PDE10A: variants seen among roughly 807,000 people sequenced by gnomAD.
PDE10A encodes phosphodiesterase 10A.
PDE10A carries 39 observed loss-of-function variants against 97.7 expected under a neutral mutation model. The ratio of observed to expected loss-of-function variants is 0.40; its 90% CI spans 0.31 to 0.52. The LOEUF (loss-of-function observed/expected upper bound fraction) is 0.52, where lower values mean the gene tolerates loss of function less well. Ranked by LOEUF, PDE10A falls within the 20% of genes least tolerant of loss-of-function variation. The probability of loss-of-function intolerance (pLI) is 0.56; values close to 1 mark genes in which losing one functional copy is unlikely to be tolerated. For synonymous variants in PDE10A, 371 were observed against 376.8 expected (o/e 0.98, Z 0.18); for missense variants, 731 against 1,047.8 (o/e 0.70, Z 4.17).
chr6:165,445,629 T>C (rs1790794616), intron 5 of PDE10A, among the ~76,000 whole-genome samples: 1 of 152,212 alleles, frequency 6.6e-6, no homozygotes, highest in African/African-American at 2.4e-5. Context: ...TTGAAATTAG[T>C]ACTGGAGGGA....
chr6:165,944,573 G>T (rs191110126), intron 1 of PDE10A, among the ~76,000 whole-genome samples: 71 of 152,216 alleles, frequency 4.7e-4, no homozygotes, highest in African/African-American at 1.7e-3. Context: ...TTTTTATTGG[G>T]TTCCTCATCT....
chr6:165,795,559 C>G (rs1355307398), intron 1 of PDE10A, among the ~76,000 whole-genome samples: 1 of 151,514 alleles, frequency 6.6e-6, no homozygotes, highest in South Asian at 2.1e-4. Context: ...AACCCCGTCT[C>G]TACTAAAAAT....
At chr6:165,835,270 G>T (rs1307522089) in intron 1 of PDE10A, among the ~76,000 whole-genome samples, 1 of 152,190 alleles carries the variant, frequency 6.6e-6, no homozygotes, top group African/African-American at 2.4e-5. Flanking sequence ...ATTTTTCTTT[G>T]CTCCTGCCTC....
chr6:165,711,023 C>A lies in PDE10A; in HGVS notation c.-614-167455G>T, dbSNP rs1009847012. On this transcript the variant is annotated intron_variant, in intron 1 of 19. Transcript: ENST00000366882. This position sits in a 1 kb window ranked among gnomAD's most constrained non-coding sequence, Gnocchi z 4.5. ...CAGAGCGGGTTTCCTTTTTACCTGG[C>A]GCACTGCAGGGGTCCAGGGTGCCTT... is the stretch of plus-strand genomic sequence containing the variant. Among the ~76,000 whole-genome samples, 1 of 152,192 alleles carries A rather than the reference C, an allele frequency of 6.6e-6. No individual in the cohort carries two copies. The highest frequency in any genetic ancestry group is 1.9e-4 in the East Asian group (1 of 5,188).
intron 1 of PDE10A, among the ~76,000 whole-genome samples, chr6:165,605,718 G>A (rs1787175928): frequency 6.6e-6 from 1 of 151,870 alleles, no homozygotes; most frequent in South Asian, 2.1e-4. Context: ...ATGCTTCGGC[G>A]CATGCAATGC....
At chr6:165,979,216 T>C (rs1197870548) in intron 1 of PDE10A, among the ~76,000 whole-genome samples, 1 of 152,184 alleles carries the variant, frequency 6.6e-6, no homozygotes, top group Non-Finnish European at 1.5e-5. Context: ...GTAAGGGTTC[T>C]TGTTCATTGG....
chr6:165,944,224 A>T (rs1196427422), intron 1 of PDE10A, among the ~76,000 whole-genome samples: 1 of 152,178 alleles, frequency 6.6e-6, no homozygotes. Flanking sequence ...TAATTCAATT[A>T]CCTCTCACTG....
intron 2 of PDE10A, among the ~76,000 whole-genome samples, chr6:165,514,634 C>T (rs944547595): frequency 4.6e-5 from 7 of 152,170 alleles, no homozygotes; most frequent in East Asian, 1.9e-4. Flanking sequence ...GCCGGCCCTC[C>T]GCTAGGTGCT....
chr6:165,337,064 G>A (rs545669431), intron 20 of PDE10A, among the ~76,000 whole-genome samples: 1 of 151,990 alleles, frequency 6.6e-6, no homozygotes, highest in Non-Finnish European at 1.5e-5. Context: ...TAAAATAAAT[G>A]TCATTGGTTT....
At chr6:165,679,687 C>T (rs945584458) in intron 1 of PDE10A, among the ~76,000 whole-genome samples, 3 of 152,194 alleles carry the variant, frequency 2.0e-5, no homozygotes, top group Non-Finnish European at 4.4e-5. Flanking sequence ...TAAGTGTTTG[C>T]GACCTACAGA....
intron 1 of PDE10A, among the ~76,000 whole-genome samples, chr6:165,946,291 T>C (rs1282078892): frequency 2.0e-5 from 3 of 152,010 alleles, no homozygotes; most frequent in African/African-American, 7.2e-5. Context: ...GGTCAGGAGA[T>C]TGAGACCATC....
chr6:165,556,902 G>C (rs1784283203), intron 1 of PDE10A, among the ~76,000 whole-genome samples: 1 of 152,178 alleles, frequency 6.6e-6, no homozygotes, highest in African/African-American at 2.4e-5. Flanking sequence ...CACTTTGGGA[G>C]GCTGAGGCAG....
At chr6:165,517,037 C>T (rs1428433621) in intron 2 of PDE10A, among the ~76,000 whole-genome samples, 2 of 152,136 alleles carry the variant, frequency 1.3e-5, no homozygotes, top group African/African-American at 4.8e-5. Flanking sequence ...TCATTAAACA[C>T]ATTACAGTGC....
chr6:165,627,466 C>T (rs1234651608), intron 1 of PDE10A, among the ~76,000 whole-genome samples: 1 of 152,136 alleles, frequency 6.6e-6, no homozygotes, highest in East Asian at 1.9e-4. Context: ...GCCTAAATAT[C>T]CAAAAGCTGC....
At chr6:165,393,584 G>T (rs898972091) in intron 15 of PDE10A, among the ~76,000 whole-genome samples, 2 of 151,882 alleles carry the variant, frequency 1.3e-5, no homozygotes, top group Non-Finnish European at 2.9e-5. Flanking sequence ...AAATGTCTTT[G>T]AAGTATAAGG....
At chr6:165,950,263 C>T (rs1783911815) in intron 1 of PDE10A, among the ~76,000 whole-genome samples, 1 of 152,176 alleles carries the variant, frequency 6.6e-6, no homozygotes, top group African/African-American at 2.4e-5. Flanking sequence ...CACAAAAGTA[C>T]AGTCTTTGTT....
intron 1 of PDE10A, among the ~76,000 whole-genome samples, chr6:165,803,679 T>TA (rs959103693): frequency 1.3e-5 from 2 of 152,214 alleles, no homozygotes; most frequent in African/African-American, 4.8e-5. Context: ...AGTGAATTGC[T>TA]AAAAATAAAT....
intron 18 of PDE10A, among the ~76,000 whole-genome samples, chr6:165,352,177 ATTAACT>A (rs1430331426): frequency 3.3e-5 from 5 of 152,360 alleles, no homozygotes; most frequent in East Asian, 3.9e-4. Context: ...TTCTAAAAAT[ATTAACT>A]TTAAGTATTA....
At chr6:165,618,362 C>T (rs1029004121) in intron 1 of PDE10A, among the ~76,000 whole-genome samples, 2 of 152,124 alleles carry the variant, frequency 1.3e-5, no homozygotes, top group African/African-American at 4.8e-5. Context: ...GACTAACAGC[C>T]TGATGCTGTA....
Sources: allele counts gnomAD v4.1 joint callset (sites outside exome capture counted in the v4.1 genomes callset), GRCh38; gene constraint gnomAD v4.1.1; non-coding constraint Gnocchi (gnomAD v3.1); transcripts MANE v1.5; gene names NCBI Gene and HGNC (gene_info 2026-07-23, HGNC 2026-07-21).